The following KCNMA1 variants were observed in gnomAD, a reference collection of about 807,000 sequenced individuals.
KCNMA1 encodes Calcium-activated potassium channel subunit alpha-1.
KCNMA1 carries 29 observed loss-of-function variants against 140.0 expected under a neutral mutation model. The ratio of observed to expected loss-of-function variants is 0.21; its 90% confidence interval spans 0.15 to 0.28. KCNMA1 has a LOEUF of 0.28. Ranked by LOEUF, KCNMA1 falls within the 10% of genes least tolerant of loss-of-function variation. The pLI is 1.00. For synonymous variants in KCNMA1, 612 were observed against 611.9 expected (o/e 1.00, Z 0.00); for missense variants, 880 against 1,602.2 (o/e 0.55, Z 7.70).
rs145320142 is a variant in KCNMA1, at chr10:76,960,776, A to C, written c.2361-6852T>G. ...TCAACTTAAAGTCACCAGCTGCATT[A>C]GTTCCAACAAGAATCAGCCTGTCCT... On this transcript the variant is annotated intron_variant, in intron 20 of 27. Coordinates refer to ENST00000286628, the MANE Select transcript of KCNMA1 (RefSeq NM_001161352.2). 7.9e-5 allele frequency among the ~76,000 whole-genome samples: 12 copies of C among 152,190 alleles called. No individual in the cohort carries two copies. In the East Asian group the frequency reaches 2.3e-3, roughly 29 times the overall value.
chr10:76,970,160 A>C, intron 19 of KCNMA1, 93 bp from the exon 20 acceptor site: 3 of 956,440 alleles, frequency 3.1e-6, no homozygotes, highest in Non-Finnish European at 5.1e-6. Context: ...CTCAAGGCTC[A>C]GTCACTCACT....
intron 3 of KCNMA1, chr10:77,249,336 C>G (rs1176760684): frequency 6.6e-6 from 1 of 152,126 alleles, no homozygotes; most frequent in Non-Finnish European, 1.5e-5. Flanking sequence ...GAATTTCATT[C>G]CTTTTCATCT....
At chr10:77,529,241 C>T (rs2154552523) in intron 1 of KCNMA1, among the ~76,000 whole-genome samples, 2 of 151,838 alleles carry the variant, frequency 1.3e-5, no homozygotes, top group Middle Eastern at 6.8e-3. Flanking sequence ...CCTCTTTTTC[C>T]CCCTGCACCA....
At chr10:77,036,518 T>C (rs1455432542) in intron 15 of KCNMA1, among the ~76,000 whole-genome samples, 3 of 152,236 alleles carry the variant, frequency 2.0e-5, no homozygotes, top group Non-Finnish European at 4.4e-5. Context: ...TGTTATTGGC[T>C]GCATATTGTT....
chr10:76,986,625 G>C (rs2081334641), intron 19 of KCNMA1, among the ~76,000 whole-genome samples: 1 of 152,224 alleles, frequency 6.6e-6, no homozygotes. Flanking sequence ...ATAACTCCTA[G>C]TGTTAGCTTG....
chr10:77,411,263 A>G (rs1046088727), intron 1 of KCNMA1, among the ~76,000 whole-genome samples: 2 of 152,008 alleles, frequency 1.3e-5, no homozygotes, highest in Non-Finnish European at 2.9e-5. Context: ...CAGAGTAAGC[A>G]CCTGACAAAT....
At chr10:77,545,186 A>T (rs1412418347) in intron 1 of KCNMA1, among the ~76,000 whole-genome samples, 1 of 152,230 alleles carries the variant, frequency 6.6e-6, no homozygotes, top group Non-Finnish European at 1.5e-5. Context: ...AGAGGGTTTC[A>T]TCCCACAGAC....
intron 2 of KCNMA1, among the ~76,000 whole-genome samples, chr10:77,296,426 A>G (rs1021292551): frequency 3.9e-5 from 6 of 152,184 alleles, no homozygotes; most frequent in Admixed American, 6.5e-5. Flanking sequence ...CTGTAAGACA[A>G]TAAATTTATA....
chr10:77,332,051 A>G lies in KCNMA1; in HGVS notation c.540+71811T>C, dbSNP rs140484263. On this transcript the variant is annotated intron_variant, in intron 2 of 27. Coordinates refer to ENST00000286628, the MANE Select transcript of KCNMA1 (RefSeq NM_001161352.2). The stretch of plus-strand genomic sequence containing the variant: ...TACATTTTGAGGCCATGAAAATGCA[A>G]TGAGGAACAAGACACAACCCCTGTT... Among the ~76,000 whole-genome samples, 311 of 152,298 alleles carry G rather than the reference A, an allele frequency of 2.0e-3. 1 individual carries two copies. The highest frequency in any genetic ancestry group is 7.0e-3 in the African/African-American group (289 of 41,566).
At chr10:77,073,737 C>T (rs66697278) in intron 13 of KCNMA1, among the ~76,000 whole-genome samples, 12,413 of 152,226 alleles carry the variant, frequency 0.082, 648 homozygotes, top group Non-Finnish European at 0.12. Flanking sequence ...TGGCCCCCCA[C>T]CAGCATTTCT....
chr10:77,084,435 C>T (rs566912165), intron 12 of KCNMA1, among the ~76,000 whole-genome samples: 99 of 152,280 alleles, frequency 6.5e-4, no homozygotes, highest in African/African-American at 2.2e-3. Context: ...GGTGAGCTTC[C>T]GGTTGGTGAC....
chr10:77,477,258 A>C (rs1312325708), intron 1 of KCNMA1, among the ~76,000 whole-genome samples: 1 of 152,238 alleles, frequency 6.6e-6, no homozygotes, highest in African/African-American at 2.4e-5. Context: ...GAAACACTGA[A>C]GATTCTGTTG....
intron 2 of KCNMA1, chr10:77,309,446 C>T (rs778698848): frequency 4.6e-5 from 7 of 152,342 alleles, no homozygotes; most frequent in Admixed American, 1.3e-4. Flanking sequence ...AAAACCGCCA[C>T]GTTGTGACAC....
intron 1 of KCNMA1, among the ~76,000 whole-genome samples, chr10:77,501,465 T>G (rs1242261403): frequency 6.6e-6 from 1 of 152,208 alleles, no homozygotes; most frequent in Admixed American, 6.5e-5. Flanking sequence ...ACCTCATGGC[T>G]GATCACTGCT....
chr10:77,007,932 C>G (rs186103830), intron 18 of KCNMA1, among the ~76,000 whole-genome samples: 2 of 151,774 alleles, frequency 1.3e-5, no homozygotes, highest in African/African-American at 2.4e-5. Flanking sequence ...AGACAGTGCC[C>G]GAAGCTGGCC....
intron 25 of KCNMA1, among the ~76,000 whole-genome samples, chr10:76,896,847 T>TCTGTGAATATGCTAAAAAAAAAA (rs1454442882): frequency 4.0e-5 from 6 of 151,652 alleles, no homozygotes; most frequent in Admixed American, 6.6e-5. Context: ...GCTGTACATG[T>TCTGTGAATATGCTAAAAAAAAAA]CTGTGAATAT....
intron 1 of KCNMA1, among the ~76,000 whole-genome samples, chr10:77,616,240 T>C (rs1251996924): frequency 6.6e-6 from 1 of 152,172 alleles, no homozygotes; most frequent in Non-Finnish European, 1.5e-5. Flanking sequence ...GGGGTGGACA[T>C]TCCACAGACG....
chr10:77,405,746 T>A (rs965283540), intron 1 of KCNMA1, among the ~76,000 whole-genome samples: 13 of 152,166 alleles, frequency 8.5e-5, no homozygotes, highest in African/African-American at 3.1e-4. Context: ...AAAGCCACAC[T>A]GGGGATCATT....
At chr10:77,524,052 G>A (rs2054609059) in intron 1 of KCNMA1, among the ~76,000 whole-genome samples, 1 of 151,566 alleles carries the variant, frequency 6.6e-6, no homozygotes, top group Non-Finnish European at 1.5e-5. Flanking sequence ...AACATCTCAT[G>A]GGCTCCATAA....
Sources: allele counts gnomAD v4.1 joint callset (sites outside exome capture counted in the v4.1 genomes callset), GRCh38; gene constraint gnomAD v4.1.1; transcripts MANE v1.5; gene names NCBI Gene and HGNC (gene_info 2026-07-23, HGNC 2026-07-21).